GRIA1: variants seen among roughly 807,000 people sequenced by gnomAD.
GRIA1 encodes glutamate receptor 1.
Under a neutral mutation model 99.2 loss-of-function variants are expected in GRIA1, and 31 were observed. The ratio of observed to expected loss-of-function variants is 0.31; its 90% CI spans 0.23 to 0.42. GRIA1 has a LOEUF of 0.42. Ranked by LOEUF, GRIA1 falls within the 10% of genes least tolerant of loss-of-function variation. The pLI, the probability that GRIA1 is intolerant of heterozygous loss-of-function variation, is 1.00. For synonymous variants in GRIA1, 438 were observed against 432.4 expected (o/e 1.01, Z -0.16); for missense variants, 782 against 1,157.5 (o/e 0.68, Z 4.71).
At chr5:153,736,972 T>C (rs1056974427) in intron 11 of GRIA1, among the ~76,000 whole-genome samples, 2 of 152,116 alleles carry the variant, frequency 1.3e-5, no homozygotes, top group Non-Finnish European at 1.5e-5. Flanking sequence ...TGAACAAATA[T>C]TGGGATCATT....
rs544719885 is a variant in GRIA1 at position 153,643,876 on chromosome 5, T to G, written c.221-3052T>G. Among the ~76,000 whole-genome samples the G allele has an allele frequency of 1.1e-4, 17 of 152,302 alleles. No homozygotes were observed. In the East Asian group the frequency reaches 3.3e-3, roughly 29 times the overall value. On this transcript the variant is annotated intron_variant, in intron 2 of 15. Transcript: ENST00000285900. ...ATTTGTTGTGTCTGCCTGCTCCCATTTCGTCCACCCCCATCTCACCCTTTC... is the reference window on the plus strand; with the variant it reads ...ATTTGTTGTGTCTGCCTGCTCCCATGTCGTCCACCCCCATCTCACCCTTTC...
intron 13 of GRIA1, among the ~76,000 whole-genome samples, chr5:153,771,552 T>TAAAG (rs1326538032): frequency 6.6e-6 from 1 of 152,134 alleles, no homozygotes; most frequent in Non-Finnish European, 1.5e-5. Flanking sequence ...AGACAGACAT[T>TAAAG]AAAGAAATAA....
intron 2 of GRIA1, among the ~76,000 whole-genome samples, chr5:153,565,165 A>G (rs969309267): frequency 1.3e-5 from 2 of 152,172 alleles, no homozygotes; most frequent in African/African-American, 4.8e-5. Context: ...ACATTCACCT[A>G]TTTTAGTTTC....
At chr5:153,666,258 C>T (rs755554071) in intron 5 of GRIA1, among the ~76,000 whole-genome samples, 3 of 152,146 alleles carry the variant, frequency 2.0e-5, no homozygotes, top group South Asian at 2.1e-4. Flanking sequence ...TGCTTGTGGA[C>T]GCTGTGGGGG....
intron 2 of GRIA1, among the ~76,000 whole-genome samples, chr5:153,571,138 C>A (rs1448805509): frequency 7.2e-5 from 11 of 152,190 alleles, no homozygotes; most frequent in Admixed American, 7.2e-4. Flanking sequence ...CATCAGTATC[C>A]TTGGCCTCTA....
chr5:153,802,555 T>A, intron 15 of GRIA1, 65 bp downstream of exon 15: 1 of 1,542,106 alleles, frequency 6.5e-7, no homozygotes. Flanking sequence ...TTCCTGGGAG[T>A]CCCTTTGCTA....
chr5:153,490,248 G>A (rs1055552059), upstream of GRIA1: 1 of 178,306 alleles, frequency 5.6e-6, no homozygotes, highest in Non-Finnish European at 1.2e-5. Flanking sequence ...GGACTATTGT[G>A]GGGACCCCCT....
At chr5:153,584,878 A>T (rs924856751) in intron 2 of GRIA1, among the ~76,000 whole-genome samples, 1 of 152,216 alleles carries the variant, frequency 6.6e-6, no homozygotes, top group Non-Finnish European at 1.5e-5. Flanking sequence ...ATACAATGGA[A>T]AAGCATAGGG....
chr5:153,798,736 C>T (rs1765800379), intron 14 of GRIA1, among the ~76,000 whole-genome samples: 1 of 152,190 alleles, frequency 6.6e-6, no homozygotes, highest in African/African-American at 2.4e-5. Flanking sequence ...TACCCTAGGA[C>T]TAGCTCAGAC....
chr5:153,532,379 C>T (rs1362909650), intron 2 of GRIA1, among the ~76,000 whole-genome samples: 5 of 152,212 alleles, frequency 3.3e-5, no homozygotes, highest in Non-Finnish European at 7.3e-5. Context: ...CTCACACTCA[C>T]TCCTTGTTGT....
At chr5:153,523,016 A>ATCTCTCTCTCTCTCTCTCTC (rs61177262) in intron 2 of GRIA1, among the ~76,000 whole-genome samples, 11 of 141,660 alleles carry the variant, frequency 7.8e-5, no homozygotes, top group Admixed American at 3.5e-4. Flanking sequence ...TGTTCCTGAT[A>ATCTCTCTCTCTCTCTCTCTC]TCTCTCTCTC....
At chr5:153,537,150 A>C (rs969772915) in intron 2 of GRIA1, among the ~76,000 whole-genome samples, 2 of 152,164 alleles carry the variant, frequency 1.3e-5, no homozygotes, top group Non-Finnish European at 2.9e-5. Flanking sequence ...GTCCCCTCTC[A>C]ACGCCATACA....
chr5:153,701,135 G>C (rs760024560), intron 10 of GRIA1, among the ~76,000 whole-genome samples: 22 of 152,164 alleles, frequency 1.4e-4, no homozygotes, highest in Non-Finnish European at 2.6e-4. Flanking sequence ...ATGTAATGTG[G>C]TTTGCTTGGT....
chr5:153,513,001 C>T (rs1007448273), intron 2 of GRIA1, among the ~76,000 whole-genome samples: 4 of 152,112 alleles, frequency 2.6e-5, no homozygotes, highest in Non-Finnish European at 4.4e-5. Context: ...AGCAAGATGG[C>T]GGCCATTGGC....
At chr5:153,695,078 T>G (rs1757999529) in intron 8 of GRIA1, among the ~76,000 whole-genome samples, 1 of 152,212 alleles carries the variant, frequency 6.6e-6, no homozygotes, top group Non-Finnish European at 1.5e-5. Flanking sequence ...TTAAATAATC[T>G]TACCTTTGAG....
At chr5:153,727,398 G>C (rs559223636) in intron 11 of GRIA1, among the ~76,000 whole-genome samples, 3 of 152,234 alleles carry the variant, frequency 2.0e-5, no homozygotes, top group African/African-American at 7.2e-5. Flanking sequence ...CAATTAGGCA[G>C]GAGAAGGAAA....
At chr5:153,799,533 C>T (rs1292506922) in intron 14 of GRIA1, among the ~76,000 whole-genome samples, 4 of 152,212 alleles carry the variant, frequency 2.6e-5, no homozygotes, top group Non-Finnish European at 5.9e-5. Context: ...CAACACCAGT[C>T]CTTCATCCCA....
intron 5 of GRIA1, among the ~76,000 whole-genome samples, chr5:153,669,256 T>C (rs1040524467): frequency 2.0e-4 from 30 of 152,198 alleles, no homozygotes; most frequent in African/African-American, 5.8e-4. Context: ...AAACAATTAT[T>C]ATTCTTTTGT....
chr5:153,749,504 G>A (rs1341968469), intron 11 of GRIA1, among the ~76,000 whole-genome samples: 3 of 152,198 alleles, frequency 2.0e-5, no homozygotes, highest in Non-Finnish European at 2.9e-5. Flanking sequence ...GAGCTGGCAT[G>A]TGCAGATCAC....
Sources: gnomAD v4.1 joint callset for allele counts (sites outside exome capture counted in the v4.1 genomes callset) on GRCh38, gnomAD v4.1.1 for gene constraint, MANE v1.5 for transcripts, NCBI Gene and HGNC (gene_info 2026-07-23, HGNC 2026-07-21) for gene names.